The following ITSN2 variants were observed in gnomAD, a reference collection of about 807,000 sequenced individuals.
The protein encoded by ITSN2 is intersectin 2.
ITSN2 carries 156 observed loss-of-function variants against 243.7 expected under a neutral mutation model. The observed-to-expected ratio is 0.64, with a 90% CI of 0.56 to 0.73. The LOEUF (loss-of-function observed/expected upper bound fraction) is 0.73. Among genes scored for constraint, ITSN2 ranks in the 30% least tolerant of loss-of-function variants. The probability of loss-of-function intolerance (pLI) is 0.00; values close to 1 mark genes in which losing one functional copy is unlikely to be tolerated. For synonymous variants in ITSN2, 703 were observed against 699.9 expected (o/e 1.00, Z -0.07); for missense variants, 1,801 against 1,996.1 (o/e 0.90, Z 1.86).
chr2:24,310,696 A>G lies in ITSN2; in HGVS notation c.353-4T>C, dbSNP rs749775138. On this transcript the variant is annotated splice_polypyrimidine_tract_variant and splice_region_variant and intron_variant, in intron 5 of 39. Coordinates refer to ENST00000355123, the MANE Select transcript of ITSN2 (RefSeq NM_006277.3). ...AGATTGGGCATGCTTCCCATTCCTA[A>G]AGTCAAAAGAAAACATTTTTTCCAG... 1 of 1,612,686 alleles carries G rather than the reference A, an allele frequency of 6.2e-7. No individual in the cohort carries two copies. Among genetic ancestry groups the G allele is most frequent in the Non-Finnish European group, 8.5e-7 (1 of 1,178,940 alleles).
At chr2:24,271,991 A>C in intron 18 of ITSN2, 50 bp from the exon 19 acceptor site, 2 of 1,350,122 alleles carry the variant, frequency 1.5e-6, no homozygotes, top group Non-Finnish European at 2.0e-6. Context: ...AATTTTTTAC[A>C]CTAAATAAAA....
intron 13 of ITSN2, among the ~76,000 whole-genome samples, chr2:24,296,636 G>A (rs537310951): frequency 6.6e-6 from 1 of 152,212 alleles, no homozygotes; most frequent in South Asian, 2.1e-4. Context: ...ACCAAAAGAG[G>A]CCTCACAAGA....
chr2:24,330,360 T>A, intron 1 of ITSN2: 1 of 524,266 alleles, frequency 1.9e-6, no homozygotes, highest in East Asian at 4.7e-5. Context: ...TGCCACTGCA[T>A]CCTGTGCCAA....
At chr2:24,344,499 C>G (rs1687337721) in intron 1 of ITSN2, among the ~76,000 whole-genome samples, 1 of 152,086 alleles carries the variant, frequency 6.6e-6, no homozygotes, top group South Asian at 2.1e-4. Context: ...TTTCTCTGAT[C>G]ATTAGGGAAC....
At chr2:24,223,843 AGAAAAAG>A (rs1670731394) in intron 29 of ITSN2, among the ~76,000 whole-genome samples, 1 of 127,632 alleles carries the variant, frequency 7.8e-6, no homozygotes, top group Non-Finnish European at 1.6e-5. Flanking sequence ...GAAAGAAACA[AGAAAAAG>A]AAAGAAAGAA....
intron 23 of ITSN2, among the ~76,000 whole-genome samples, chr2:24,256,174 T>C (rs1675024489): frequency 6.6e-6 from 1 of 152,166 alleles, no homozygotes. Flanking sequence ...CAGTGAGCCA[T>C]GATTGCGCCA....
At chr2:24,311,062 T>TAC (rs71397421) in intron 5 of ITSN2, among the ~76,000 whole-genome samples, 5,855 of 147,930 alleles carry the variant, frequency 0.04, 131 homozygotes, top group African/African-American at 0.065. Flanking sequence ...ACTTGACTAA[T>TAC]ACACACACAC....
At chr2:24,341,088 G>C (rs1433467101) in intron 1 of ITSN2, among the ~76,000 whole-genome samples, 2 of 152,178 alleles carry the variant, frequency 1.3e-5, no homozygotes, top group African/African-American at 2.4e-5. Context: ...TGTGGAAGAT[G>C]AAAGAGGAGC....
At chr2:24,210,589 T>C (rs1425180463) in intron 34 of ITSN2, among the ~76,000 whole-genome samples, 191 bp downstream of exon 34, 2 of 123,110 alleles carry the variant, frequency 1.6e-5, no homozygotes, top group Admixed American at 1.1e-4. Context: ...CACTCCAGCC[T>C]GGGCAACAGA....
At chr2:24,308,065 T>C (rs1682779449) in intron 8 of ITSN2, among the ~76,000 whole-genome samples, 1 of 152,224 alleles carries the variant, frequency 6.6e-6, no homozygotes, top group African/African-American at 2.4e-5. Flanking sequence ...TACTTGCCTA[T>C]TACCCTCTGT....
At position 24,216,089 on chromosome 2, in the gene ITSN2, T is replaced by G. The variant is rs1326579960; in HGVS notation, c.3950A>C (p.Gln1317Pro). The G allele has an allele frequency of 1.2e-6, 2 of 1,610,020 alleles. No individual in the cohort carries two copies. The highest frequency in any genetic ancestry group is 1.7e-6 in the Non-Finnish European group (2 of 1,178,236). Reference protein sequence around the residue: ...CQLNGAALLQQKTDEDTDFKE... With the variant: ...CQLNGAALLQPKTDEDTDFKE... ...GAAATCTGTGTCTTCATCTGTCTTC[T>G]GCTGTAACAGAGCTGCTCCATTAAG... is the stretch of plus-strand genomic sequence containing the variant. Residue 1317 changes from glutamine to proline, a missense_variant, in exon 32 of 40, where the codon CAG (glutamine) becomes CCG (proline). This residue lies in a region of ITSN2 where 928 missense variants were observed against 1,065.4 expected (regional missense o/e 0.87). Coordinates refer to ENST00000355123, the MANE Select transcript of ITSN2 (RefSeq NM_006277.3).
At chr2:24,212,803 A>G (rs2151109713) in intron 32 of ITSN2, 55 bp from the exon 33 acceptor site, 1 of 1,329,572 alleles carries the variant, frequency 7.5e-7, no homozygotes, top group Non-Finnish European at 1.1e-6. Flanking sequence ...CACAGGAAGC[A>G]CTGGTCTTTG....
intron 15 of ITSN2, among the ~76,000 whole-genome samples, chr2:24,290,559 GAT>G (rs1574171159): frequency 1.3e-5 from 2 of 152,236 alleles, no homozygotes; most frequent in East Asian, 3.9e-4. Context: ...CTCATACCAA[GAT>G]TATAAAATAT....
chr2:24,342,147 A>G (rs1325777197), intron 1 of ITSN2, among the ~76,000 whole-genome samples: 1 of 152,136 alleles, frequency 6.6e-6, no homozygotes. Context: ...GTTTAGAAGC[A>G]GAAGAAAGAG....
chr2:24,248,613 A>G lies in ITSN2; in HGVS notation c.3288+16T>C. 1 of 1,575,232 alleles carries G rather than the reference A, an allele frequency of 6.3e-7. No homozygotes were observed. The highest frequency in any genetic ancestry group is 8.6e-7 in the Non-Finnish European group (1 of 1,160,816). On this transcript the variant is annotated intron_variant, in intron 27 of 39. Transcript: ENST00000355123. ...TTTTATAATAAAATTTATAGATGCT[A>G]TTTAAAGAATATTACCTGTAACTCT... is the stretch of plus-strand genomic sequence containing the variant.
At chr2:24,326,199 A>T (rs996338514) in intron 2 of ITSN2, among the ~76,000 whole-genome samples, 1 of 152,206 alleles carries the variant, frequency 6.6e-6, no homozygotes, top group African/African-American at 2.4e-5. Flanking sequence ...GTTTAAAAAA[A>T]ATTACTATCT....
At chr2:24,212,221 G>C (rs1184097116) in intron 33 of ITSN2, among the ~76,000 whole-genome samples, 1 of 152,110 alleles carries the variant, frequency 6.6e-6, no homozygotes. Flanking sequence ...GAGCCTCCTG[G>C]GACATCTAGG....
intron 21 of ITSN2, 130 bp downstream of exon 21, chr2:24,261,431 G>C (rs1675837950): frequency 1.1e-6 from 1 of 919,630 alleles, no homozygotes; most frequent in African/African-American, 1.7e-5. Flanking sequence ...ATTAAATCTG[G>C]AACAAAAAGT....
At chr2:24,322,299 C>G (rs1338524946) in intron 2 of ITSN2, among the ~76,000 whole-genome samples, 1 of 152,142 alleles carries the variant, frequency 6.6e-6, no homozygotes, top group Non-Finnish European at 1.5e-5. Context: ...GAGAAGGAAA[C>G]AGTGGTACAG....
Sources: allele counts gnomAD v4.1 joint callset (sites outside exome capture counted in the v4.1 genomes callset), GRCh38; gene constraint gnomAD v4.1.1; regional missense constraint gnomAD v4.1.1; transcripts MANE v1.5; gene names NCBI Gene and HGNC (gene_info 2026-07-23, HGNC 2026-07-21).